SEPTIN7: variants seen among roughly 807,000 people sequenced by gnomAD.
SEPTIN7 encodes septin 7.
SEPTIN7 carries 10 observed loss-of-function variants against 63.3 expected under a neutral mutation model. That is an observed-to-expected ratio of 0.16 (90% confidence interval 0.10 to 0.27). SEPTIN7 has a LOEUF of 0.27. Among genes scored for constraint, SEPTIN7 ranks in the 10% least tolerant of loss-of-function variants. The pLI is 1.00. For synonymous variants in SEPTIN7, 131 were observed against 165.3 expected (o/e 0.79, Z 1.59); for missense variants, 310 against 521.0 (o/e 0.59, Z 3.94).
At chr7:35,863,701 T>A in intron 4 of SEPTIN7, 43 bp downstream of exon 4, 1 of 1,017,390 alleles carries the variant, frequency 9.8e-7, no homozygotes, top group Non-Finnish European at 1.4e-6. Flanking sequence ...GGAATAATAT[T>A]AATACACACA....
At chr7:35,830,014 C>G (rs1245245717) in intron 1 of SEPTIN7, among the ~76,000 whole-genome samples, 4 of 151,890 alleles carry the variant, frequency 2.6e-5, no homozygotes, top group African/African-American at 9.7e-5. Flanking sequence ...GGTGAAACCC[C>G]ATCTCTACTA....
intron 1 of SEPTIN7, among the ~76,000 whole-genome samples, chr7:35,813,496 C>T (rs532801979): frequency 5.9e-5 from 9 of 152,088 alleles, no homozygotes; most frequent in Admixed American, 2.0e-4. Context: ...CTGCTGGCCT[C>T]CCCAGTAGCT....
the SEPTIN7 span, among the ~76,000 whole-genome samples, chr7:35,914,984 A>C: frequency 6.6e-6 from 1 of 152,060 alleles, no homozygotes; most frequent in Non-Finnish European, 1.5e-5. Context: ...ACACATATGC[A>C]TGCGTGTGTA....
intron 9 of SEPTIN7, among the ~76,000 whole-genome samples, chr7:35,884,781 G>C (rs1787125673): frequency 6.6e-6 from 1 of 152,006 alleles, no homozygotes; most frequent in Non-Finnish European, 1.5e-5. Context: ...TACTAGTTTT[G>C]TAAGGAGTTT....
At chr7:35,891,365 A>C (rs1562583616) in intron 11 of SEPTIN7, among the ~76,000 whole-genome samples, 1 of 151,790 alleles carries the variant, frequency 6.6e-6, no homozygotes, top group Non-Finnish European at 1.5e-5. Context: ...TTTTGTAAAC[A>C]TCATAGAGTA....
At chr7:35,888,347 G>A (rs1787401995) in intron 10 of SEPTIN7, among the ~76,000 whole-genome samples, 1 of 152,104 alleles carries the variant, frequency 6.6e-6, no homozygotes, top group South Asian at 2.1e-4. Context: ...AGTGATTTTA[G>A]TGAAAAGAAA....
chr7:35,877,330 T>C (rs1786533547), intron 6 of SEPTIN7, among the ~76,000 whole-genome samples: 1 of 152,180 alleles, frequency 6.6e-6, no homozygotes, highest in Non-Finnish European at 1.5e-5. Context: ...TTTCTCCCCC[T>C]CACTGTCTCT....
chr7:35,817,878 G>GT (rs1789179073), intron 1 of SEPTIN7, among the ~76,000 whole-genome samples: 1 of 150,126 alleles, frequency 6.7e-6, no homozygotes, highest in South Asian at 2.1e-4. Flanking sequence ...AACTTTATTA[G>GT]TTCCTGTAGT....
chr7:35,885,143 C>T (rs1787149706), intron 9 of SEPTIN7, among the ~76,000 whole-genome samples: 1 of 152,026 alleles, frequency 6.6e-6, no homozygotes. Flanking sequence ...CACACCACTG[C>T]CCCTGGTTTA....
chr7:35,809,936 A>G (rs954447657), intron 1 of SEPTIN7, among the ~76,000 whole-genome samples: 1 of 152,172 alleles, frequency 6.6e-6, no homozygotes, highest in African/African-American at 2.4e-5. Context: ...GGGAAAGGAC[A>G]TGAGGGGGAT....
At chr7:35,821,488 A>G (rs1245848951) in intron 1 of SEPTIN7, among the ~76,000 whole-genome samples, 1 of 152,198 alleles carries the variant, frequency 6.6e-6, no homozygotes, top group African/African-American at 2.4e-5. Flanking sequence ...CTGTAATACA[A>G]TTTTAGTTTC....
chr7:35,877,605 A>G (rs1384191504), intron 6 of SEPTIN7, among the ~76,000 whole-genome samples: 1 of 152,232 alleles, frequency 6.6e-6, no homozygotes, highest in Non-Finnish European at 1.5e-5. Flanking sequence ...AGTCCTTTGC[A>G]AAATATTTCT....
At chr7:35,807,221 G>C (rs538783766) in intron 1 of SEPTIN7, among the ~76,000 whole-genome samples, 39 of 143,056 alleles carry the variant, frequency 2.7e-4, no homozygotes, top group African/African-American at 1.0e-3. Context: ...TTTCGCTCTT[G>C]TTGCCCAGGC....
chr7:35,842,761 A>C (rs1784469995), intron 3 of SEPTIN7, among the ~76,000 whole-genome samples: 1 of 152,216 alleles, frequency 6.6e-6, no homozygotes, highest in Non-Finnish European at 1.5e-5. Flanking sequence ...AGTTACAAGT[A>C]CAGTACATAA....
chr7:35,846,365 T>C (rs1481147740), intron 3 of SEPTIN7, among the ~76,000 whole-genome samples: 3 of 152,220 alleles, frequency 2.0e-5, no homozygotes, highest in Non-Finnish European at 1.5e-5. Flanking sequence ...AGTGTTTTTC[T>C]CTGTGTGTTT....
intron 1 of SEPTIN7, among the ~76,000 whole-genome samples, chr7:35,829,384 C>T (rs1335022214): frequency 6.6e-6 from 1 of 152,024 alleles, no homozygotes; most frequent in East Asian, 1.9e-4. Context: ...TCAGGCAATC[C>T]ACCTGTCTCG....
chr7:35,822,469 A>G (rs1284661899), intron 1 of SEPTIN7, among the ~76,000 whole-genome samples: 1 of 152,128 alleles, frequency 6.6e-6, no homozygotes, highest in Non-Finnish European at 1.5e-5. Flanking sequence ...GGACTGCGCA[A>G]CCTAGATCCC....
intron 4 of SEPTIN7, among the ~76,000 whole-genome samples, chr7:35,868,804 C>G (rs1482266864): frequency 6.6e-6 from 1 of 152,106 alleles, no homozygotes; most frequent in African/African-American, 2.4e-5. Context: ...AATCAGTTCC[C>G]TAGAACATAT....
At chr7:35,856,406 G>A (rs573277602) in intron 3 of SEPTIN7, among the ~76,000 whole-genome samples, 49 of 152,194 alleles carry the variant, frequency 3.2e-4, no homozygotes, top group Admixed American at 3.1e-3. Flanking sequence ...TTGCTTCCAC[G>A]TCTTGGCAAT....
Sources: allele counts gnomAD v4.1 joint callset (sites outside exome capture counted in the v4.1 genomes callset), GRCh38; gene constraint gnomAD v4.1.1; transcripts MANE v1.5; gene names NCBI Gene and HGNC (gene_info 2026-07-23, HGNC 2026-07-21).